AKAP6: variants seen among roughly 807,000 people sequenced by gnomAD.
The protein encoded by AKAP6 is A-kinase anchoring protein 6, also known as A-kinase anchor protein 6.
In AKAP6, 58 loss-of-function variants were observed where a neutral mutation model predicts 188.5. The observed-to-expected ratio is 0.31, with a 90% CI of 0.25 to 0.38. The LOEUF is 0.38. Ranked by LOEUF, AKAP6 falls within the 10% of genes least tolerant of loss-of-function variation. The probability of loss-of-function intolerance (pLI) is 1.00; values close to 1 mark genes in which losing one functional copy is unlikely to be tolerated. For synonymous variants in AKAP6, 989 were observed against 998.6 expected (o/e 0.99, Z 0.18); for missense variants, 2,710 against 2,740.0 (o/e 0.99, Z 0.24).
intron 1 of AKAP6, among the ~76,000 whole-genome samples, chr14:32,335,912 A>T (rs1594513821): frequency 8.5e-6 from 1 of 117,176 alleles, no homozygotes; most frequent in Non-Finnish European, 1.7e-5. Context: ...TCGAGGTTAT[A>T]TTACTACAGG....
intron 2 of AKAP6, among the ~76,000 whole-genome samples, chr14:32,482,781 T>A (rs1198813070): frequency 2.0e-5 from 3 of 152,202 alleles, no homozygotes; most frequent in Non-Finnish European, 4.4e-5. Context: ...ATAAGAATAC[T>A]ATGAGCTGTA....
intron 7 of AKAP6, among the ~76,000 whole-genome samples, chr14:32,616,528 A>G (rs1009757674): frequency 5.9e-5 from 9 of 152,190 alleles, no homozygotes; most frequent in Admixed American, 3.3e-4. Context: ...GTTCTCACTT[A>G]TAAGTGGGAG....
At chr14:32,633,116 G>C (rs1156425508) in intron 7 of AKAP6, among the ~76,000 whole-genome samples, 1 of 152,026 alleles carries the variant, frequency 6.6e-6, no homozygotes, top group Non-Finnish European at 1.5e-5. Context: ...TAATGAAACA[G>C]TATAAAGGAT....
At chr14:32,446,299 A>G (rs934242833) in intron 2 of AKAP6, among the ~76,000 whole-genome samples, 2 of 152,220 alleles carry the variant, frequency 1.3e-5, no homozygotes, top group Non-Finnish European at 2.9e-5. Flanking sequence ...TCTGGTAGTT[A>G]TCCCATAATC....
At chr14:32,386,130 G>T (rs561794259) in intron 1 of AKAP6, among the ~76,000 whole-genome samples, 41 of 152,028 alleles carry the variant, frequency 2.7e-4, no homozygotes, top group Middle Eastern at 6.8e-3. Context: ...CCAGTAGTGG[G>T]ATTGCTGGAT....
chr14:32,596,716 G>A (rs1374798553), intron 5 of AKAP6, among the ~76,000 whole-genome samples: 2 of 152,128 alleles, frequency 1.3e-5, no homozygotes, highest in Admixed American at 1.3e-4. Flanking sequence ...ATTGCAGAGG[G>A]ACTGTACACC....
At chr14:32,598,505 C>G (rs1374315657) in intron 5 of AKAP6, among the ~76,000 whole-genome samples, 3 of 152,090 alleles carry the variant, frequency 2.0e-5, no homozygotes, top group African/African-American at 7.2e-5. Context: ...TGTTATTGTT[C>G]AATGGATATC....
intron 2 of AKAP6, among the ~76,000 whole-genome samples, chr14:32,503,830 T>C (rs1232546715): frequency 6.6e-6 from 1 of 152,110 alleles, no homozygotes; most frequent in African/African-American, 2.4e-5. Context: ...TATTGCCCTT[T>C]TTTCAGTTTT....
At chr14:32,769,308 A>G (rs929104039) in intron 11 of AKAP6, among the ~76,000 whole-genome samples, 7 of 151,606 alleles carry the variant, frequency 4.6e-5, no homozygotes, top group African/African-American at 1.7e-4. Flanking sequence ...TCCTCCTCCC[A>G]CAGTGCTGGG....
intron 11 of AKAP6, among the ~76,000 whole-genome samples, chr14:32,771,180 T>G (rs1227832726): frequency 6.6e-6 from 1 of 152,172 alleles, no homozygotes; most frequent in Non-Finnish European, 1.5e-5. Context: ...TGTTATTTTA[T>G]TAATTATATC....
intron 5 of AKAP6, among the ~76,000 whole-genome samples, chr14:32,585,183 T>G (rs1885178224): frequency 6.6e-6 from 1 of 152,180 alleles, no homozygotes; most frequent in Non-Finnish European, 1.5e-5. Context: ...TTGTTATGCA[T>G]ACCTAATTCA....
chr14:32,373,867 C>T (rs141661423), intron 1 of AKAP6, among the ~76,000 whole-genome samples: 60 of 152,254 alleles, frequency 3.9e-4, no homozygotes, highest in African/African-American at 1.3e-3. Context: ...TCTCCTCACA[C>T]GTAAAAGTCT....
rs535668345 is a variant in AKAP6 at position 32,568,188 on chromosome 14, G to A, written c.2347-8932G>A. Among the ~76,000 whole-genome samples the A allele has an allele frequency of 1.3e-5, 2 of 152,300 alleles. No homozygotes were observed. Among genetic ancestry groups the A allele is most frequent in the South Asian group, 4.1e-4 (2 of 4,832 alleles). On this transcript the variant is annotated intron_variant, in intron 4 of 13. Transcript: ENST00000280979. This position sits in a 1 kb window ranked among gnomAD's most constrained non-coding sequence, Gnocchi z 6.2. Reference sequence around the variant, plus strand: ...AAAATAGGAGTGAACAACAGAGAATGTGACTGTCCTTTGTTTCCTCTCTAT... The same window carrying A: ...AAAATAGGAGTGAACAACAGAGAATATGACTGTCCTTTGTTTCCTCTCTAT...
intron 1 of AKAP6, among the ~76,000 whole-genome samples, chr14:32,385,821 A>G (rs555844702): frequency 9.2e-4 from 138 of 150,516 alleles, no homozygotes; most frequent in African/African-American, 3.2e-3. Context: ...GTATTCCTAT[A>G]TATGGTGATA....
chr14:32,524,762 G>A (rs985317503), intron 2 of AKAP6, among the ~76,000 whole-genome samples: 4 of 152,188 alleles, frequency 2.6e-5, no homozygotes, highest in Non-Finnish European at 5.9e-5. Flanking sequence ...GTGCTTAGCA[G>A]CAGGCTTGCA....
At chr14:32,799,191 C>T (rs900841776) in intron 12 of AKAP6, among the ~76,000 whole-genome samples, 1 of 152,146 alleles carries the variant, frequency 6.6e-6, no homozygotes, top group African/African-American at 2.4e-5. Context: ...CCTTGCTCTC[C>T]TCCTTTTCAG....
chr14:32,693,117 G>A (rs1890251078), intron 8 of AKAP6, among the ~76,000 whole-genome samples: 2 of 152,162 alleles, frequency 1.3e-5, no homozygotes, highest in Non-Finnish European at 2.9e-5. Context: ...GCTTAACACA[G>A]TGCTTAGGTA....
At chr14:32,391,343 T>TC (rs1888708149) in intron 1 of AKAP6, among the ~76,000 whole-genome samples, 1 of 152,176 alleles carries the variant, frequency 6.6e-6, no homozygotes, top group South Asian at 2.1e-4. Flanking sequence ...TTCAGCTTTT[T>TC]CCCCTCCCAG....
At chr14:32,795,098 G>A (rs145918132) in intron 12 of AKAP6, among the ~76,000 whole-genome samples, 280 of 152,102 alleles carry the variant, frequency 1.8e-3, no homozygotes, top group African/African-American at 5.8e-3. Flanking sequence ...AAATTGAATC[G>A]CTGAATAGAC....
Sources: allele counts gnomAD v4.1 joint callset (sites outside exome capture counted in the v4.1 genomes callset), GRCh38; gene constraint gnomAD v4.1.1; non-coding constraint Gnocchi (gnomAD v3.1); transcripts MANE v1.5; gene names NCBI Gene and HGNC (gene_info 2026-07-23, HGNC 2026-07-21).